Variants in PLXNA3 observed in about 807,000 individuals in gnomAD.
PLXNA3 encodes the protein plexin-A3.
Under a neutral mutation model 118.8 loss-of-function variants are expected in PLXNA3, and 52 were observed. The observed-to-expected ratio is 0.44, with a 90% CI of 0.35 to 0.55. PLXNA3 has a LOEUF of 0.55. Ranked by LOEUF, PLXNA3 falls within the 20% of genes least tolerant of loss-of-function variation. PLXNA3 has a pLI of 0.01. For missense variants in PLXNA3, 1,660 were observed against 1,730.8 expected (o/e 0.96, Z 0.73); for synonymous variants, 925 against 762.4 (o/e 1.21, Z -3.51).
intron 3 of PLXNA3, among the ~76,000 whole-genome samples, chrX:154,461,873 C>G (rs781923925): frequency 1.8e-5 from 2 of 112,236 alleles, no homozygotes; most frequent in African/African-American, 3.2e-5. Context: ...CCTCCTTGCT[C>G]CGTCTCCCGG....
In PLXNA3 at chrX:154,469,466, C is replaced by T. The variant is rs1426776387; in HGVS notation, c.4682C>T (p.Ser1561Leu). Residue 1561 changes from serine (S) to leucine (L), a missense_variant, in exon 27 of 33, where the codon TCA becomes TTA. Coordinates refer to ENST00000369682, the MANE Select transcript of PLXNA3 (RefSeq NM_017514.5). The stretch of plus-strand genomic sequence containing the variant: ...GAGTGTGACTGGAAGAGGCTCAACT[C>T]ACTGGCCCACTACCAGGTGAGGGGT... ...KIECDWKRLN[S>L]LAHYQVTDGS... The T allele has an allele frequency of 1.7e-6, 2 of 1,200,180 alleles. No homozygotes were observed. The highest frequency in any genetic ancestry group is 2.3e-6 in the Non-Finnish European group (2 of 885,450).
At chrX:154,466,836 G>A (rs1557207343) in intron 17 of PLXNA3, 43 bp downstream of exon 17, 5 of 1,086,002 alleles carry the variant, frequency 4.6e-6, no homozygotes, top group Non-Finnish European at 6.1e-6. Context: ...TGTCCAGAGG[G>A]CTCAGGGACT....
Position 154,470,499 on chromosome X carries a change from C to T in PLXNA3, c.5044C>T (p.Arg1682Trp), listed in dbSNP as rs782677818. ...TGAGACAGTGTTCAGCACAGCCCAC[C>T]GGGGCTCGGCCCTGCCCCTGGCCAT... The part of the protein sequence containing the change: ...LFETVFSTAH[R>W]GSALPLAIKY... Residue 1682 changes from arginine to tryptophan, a missense_variant, in exon 30 of 33, where the codon CGG becomes TGG. This residue lies in a region of PLXNA3 where 869 missense variants were observed against 1,078.7 expected (regional missense o/e 0.81). Transcript: ENST00000369682. 20 of 1,209,808 alleles carry T rather than the reference C, an allele frequency of 1.7e-5. No individual in the cohort carries two copies. The highest frequency in any genetic ancestry group is 6.9e-5 in the African/African-American group (4 of 57,656).
rs1557208270 is a variant in PLXNA3 at position 154,468,506 on chromosome X, C to T, written c.4167C>T (p.Asp1389=). The T allele has an allele frequency of 8.3e-7, 1 of 1,211,183 alleles. No homozygotes were observed. Among genetic ancestry groups the T allele is most frequent in the Admixed American group, 2.2e-5 (1 of 46,109 alleles). Residue 1389 remains aspartate (D), a synonymous_variant, in exon 23 of 33, where the codon GAC becomes GAT. Coordinates refer to ENST00000369682, the MANE Select transcript of PLXNA3 (RefSeq NM_017514.5). ...ATGLLKQLLA[D]LIEKNLESKN... ...GGCTGCTCAAGCAACTGCTGGCCGACCTCATCGAGAAGAACCTCGAGAGCA... is the reference window on the plus strand; with the variant it reads ...GGCTGCTCAAGCAACTGCTGGCCGATCTCATCGAGAAGAACCTCGAGAGCA...
chrX:154,464,065 T>C lies in PLXNA3; in HGVS notation c.1662T>C (p.Pro554=), dbSNP rs782188114. The C allele has an allele frequency of 1.2e-5, 14 of 1,210,028 alleles. No individual in the cohort carries two copies. Among genetic ancestry groups the C allele is most frequent in the Non-Finnish European group, 1.6e-5 (14 of 895,041 alleles). ...CCAACAATGTGTCAGTGACGTCACC[T>C]GGGGTGCAGGTGAGCAGCTTGGGGG... The part of the protein sequence containing the change: ...VRPNNVSVTS[P]GVQLTVTLHN... Residue 554 remains proline, a synonymous_variant, in exon 7 of 33, where the codon CCT becomes CCC. Transcript: ENST00000369682.
At position 154,468,426 on chromosome X, in the gene PLXNA3, A is replaced by T; in HGVS notation, c.4087A>T (p.Thr1363Ser). The T allele has an allele frequency of 1.7e-6, 2 of 1,211,013 alleles. No individual in the cohort carries two copies. The highest frequency in any genetic ancestry group is 2.2e-6 in the Non-Finnish European group (2 of 895,471). ...QSSFSMRDRG[T>S]VASLTMVALQ... ...CAGCTTCTCCATGCGCGACCGCGGC[A>T]CCGTGGCCTCGCTCACCATGGTGGC... is the stretch of plus-strand genomic sequence containing the variant. Residue 1363 changes from threonine to serine, a missense_variant, in exon 23 of 33, where the codon ACC (threonine) becomes TCC (serine). Thr to Ser is a moderately conservative substitution (Grantham distance 58). This residue lies in a region of PLXNA3 where 869 missense variants were observed against 1,078.7 expected (regional missense o/e 0.81). Coordinates refer to ENST00000369682, the MANE Select transcript of PLXNA3 (RefSeq NM_017514.5).
Position 154,477,704 on chromosome X carries a change from C to A in PLXNA3, c.*5019C>A, listed in dbSNP as rs993224058. 44 of 308,602 alleles carry A rather than the reference C, an allele frequency of 1.4e-4. No homozygotes were observed. The highest frequency in any genetic ancestry group is 2.3e-4 in the Admixed American group (4 of 17,547). The allele number at this position is 308,602 out of a possible 1,213,427, so 25.4% of individuals were successfully genotyped here. ...CTTGAATATCTGAATTCTAGAACCC[C>A]CCCCCCAGCAACCCAAGCACAACAA... On this transcript the variant is annotated 3_prime_UTR_variant, in exon 33 of 33. Transcript: ENST00000369682.
At position 154,465,940 on chromosome X, in the gene PLXNA3, C is replaced by T. The variant is rs1557206850; in HGVS notation, c.2538C>T (p.His846=). The T allele has an allele frequency of 8.3e-7, 1 of 1,210,349 alleles. No homozygotes were observed. Among genetic ancestry groups the T allele is most frequent in the East Asian group, 3.0e-5 (1 of 33,803 alleles). Residue 846 remains histidine, a synonymous_variant, in exon 14 of 33, where the codon CAC becomes CAT. Transcript: ENST00000369682. ...CTGCCCATCCTGCTCCACAGATCCA[C>T]CCTCTCGTGGGGCCCAAGGAAGGAG... ...RCSHPRITQI[H]PLVGPKEGGT...
chrX:154,464,214 G>A lies in PLXNA3; in HGVS notation c.1729G>A (p.Glu577Lys), dbSNP rs781842825. Residue 577 changes from glutamate to lysine, a missense_variant, in exon 8 of 33, where the codon GAG (glutamate) becomes AAG (lysine). Around this residue, in one of 2 missense-constraint regions of PLXNA3, gnomAD observed 791 missense variants for 652.1 expected, o/e 1.21. Coordinates refer to ENST00000369682, the MANE Select transcript of PLXNA3 (RefSeq NM_017514.5). Reference protein sequence around the residue: ...DLSAGVSCAFEAAAENEAVLL... With the variant: ...DLSAGVSCAFKAAAENEAVLL... ...CAGTGCGGGCGTGAGCTGCGCCTTCGAGGCGGCGGCGGAGAACGAGGCGGT... is the reference window on the plus strand; with the variant it reads ...CAGTGCGGGCGTGAGCTGCGCCTTCAAGGCGGCGGCGGAGAACGAGGCGGT... 17 of 1,208,540 alleles carry A rather than the reference G, an allele frequency of 1.4e-5. No homozygotes were observed. In the South Asian group the frequency reaches 2.1e-4, roughly 15 times the overall value.
At position 154,464,855 on chromosome X, in the gene PLXNA3, T is replaced by C. The variant is rs1302969041; in HGVS notation, c.2030T>C (p.Val677Ala). 1.7e-6 allele frequency: 2 copies of C among 1,192,193 alleles called. No individual in the cohort carries two copies. Among genetic ancestry groups the C allele is most frequent in the Non-Finnish European group, 2.3e-6 (2 of 882,200 alleles). ...PHECSFQEGRVHSPEGCPEIL... is the reference protein window; with the variant it reads ...PHECSFQEGRAHSPEGCPEIL... Reference sequence around the variant, plus strand: ...GAGTGCTCCTTCCAGGAGGGCAGGGTCCACAGCCCTGAGGTGAGGCGGGCG... The same window carrying C: ...GAGTGCTCCTTCCAGGAGGGCAGGGCCCACAGCCCTGAGGTGAGGCGGGCG... The change falls in exon 10 of 33, where the codon GTC becomes GCC. Residue 677 changes from valine to alanine, a missense_variant. Physicochemically the swap from Val to Ala is moderately conservative, Grantham distance 64. Coordinates refer to ENST00000369682, the MANE Select transcript of PLXNA3 (RefSeq NM_017514.5).
rs371065869 is a variant in PLXNA3, at chrX:154,461,709, G to A, written c.1134+71G>A. On this transcript the variant is annotated intron_variant, in intron 3 of 32. Transcript: ENST00000369682. The stretch of plus-strand genomic sequence containing the variant: ...TCTACCATGCCCAGCGTGGGCTCAC[G>A]GCCAGTCATCCTGTCCCAGGCTTTG... The A allele has an allele frequency of 9.5e-4, 967 of 1,013,219 alleles. 2 individuals are homozygous for A. Among genetic ancestry groups the A allele is most frequent in the Non-Finnish European group, 1.1e-3 (852 of 750,873 alleles). The allele number at this position is 1,013,219 out of a possible 1,213,427, so 83.5% of individuals were successfully genotyped here.
rs144840211 is a variant in PLXNA3 at position 154,467,450 on chromosome X, G to A, written c.3420G>A (p.Pro1140=). The A allele has an allele frequency of 1.0e-4, 120 of 1,193,598 alleles. 1 individual carries two copies. The African/African-American group carries it at 1.3e-3, about 13-fold the overall frequency. The part of the protein sequence containing the change: ...LGPSGVLDVK[P]GSHVVLKGKN... ...CCTCTGGCGTGCTGGACGTCAAACC[G>A]GGCTCCCACGTGGTGCTGAAGGTGC... The change falls in exon 19 of 33, where the codon CCG becomes CCA. Residue 1140 remains proline (P), a synonymous_variant. Coordinates refer to ENST00000369682, the MANE Select transcript of PLXNA3 (RefSeq NM_017514.5).
At position 154,467,662 on chromosome X, in the gene PLXNA3, AGCCAGACTGGCCG is replaced by A; in HGVS notation, c.3562_3574del (p.Gln1188SerfsTer25). ...CACACAACTCCTGTGCGACTCACCC[AGCCAGACTGGCCG>A]GCAGCCTGTCATGGTAGGTGGGGAT... On this transcript the variant is annotated frameshift_variant, in exon 20 of 33. Coordinates refer to ENST00000369682, the MANE Select transcript of PLXNA3 (RefSeq NM_017514.5). LOFTEE classifies it high-confidence loss of function. The A allele has an allele frequency of 8.3e-7, 1 of 1,210,111 alleles. No individual in the cohort carries two copies. The highest frequency in any genetic ancestry group is 1.1e-6 in the Non-Finnish European group (1 of 895,229).
chrX:154,469,124 C>T lies in PLXNA3; in HGVS notation c.4503C>T (p.Asp1501=). 1 of 1,210,942 alleles carries T rather than the reference C, an allele frequency of 8.3e-7. No individual in the cohort carries two copies. Among genetic ancestry groups the T allele is most frequent in the Non-Finnish European group, 1.1e-6 (1 of 895,137 alleles). Residue 1501 remains aspartate (D), a synonymous_variant, in exon 26 of 33, where the codon GAC becomes GAT. Transcript: ENST00000369682. ...AQVPVKVLNC[D]SITQAKDKLL... ...TCCCAGTGAAGGTTCTCAACTGTGA[C>T]AGCATCACCCAGGCCAAAGATAAGC...
At position 154,467,634 on chromosome X, in the gene PLXNA3, G is replaced by C; in HGVS notation, c.3531G>C (p.Ser1177=). ...GCCAGCCGTGTTCGCTCACTGTCTC[G>C]GACACACAACTCCTGTGCGACTCAC... The part of the protein sequence containing the change: ...IGGQPCSLTV[S]DTQLLCDSPS... Residue 1177 remains serine (S), a synonymous_variant, in exon 20 of 33, where the codon TCG becomes TCC. Coordinates refer to ENST00000369682, the MANE Select transcript of PLXNA3 (RefSeq NM_017514.5). The C allele has an allele frequency of 8.3e-7, 1 of 1,209,988 alleles. No homozygotes were observed. The highest frequency in any genetic ancestry group is 2.2e-5 in the Admixed American group (1 of 45,967).
In PLXNA3 at chrX:154,464,389, G is replaced by C; in HGVS notation, c.1829-13G>C. On this transcript the variant is annotated splice_polypyrimidine_tract_variant and intron_variant, in intron 8 of 32. Transcript: ENST00000369682. ...CCCCCAGCGAGTTCACGGCCACCCC[G>C]GGACTGCTGCAGGGGCCACCCGCAC... The C allele has an allele frequency of 3.3e-6, 4 of 1,206,913 alleles. No individual in the cohort carries two copies. The highest frequency in any genetic ancestry group is 2.3e-4 in the Middle Eastern group (1 of 4,338).
chrX:154,464,059 G>A lies in PLXNA3; in HGVS notation c.1656G>A (p.Thr552=), dbSNP rs149300616. ...VRVRPNNVSV[T]SPGVQLTVTL... The stretch of plus-strand genomic sequence containing the variant: ...TCCGGCCCAACAATGTGTCAGTGAC[G>A]TCACCTGGGGTGCAGGTGAGCAGCT... Residue 552 remains threonine, a synonymous_variant, in exon 7 of 33, where the codon ACG becomes ACA. Transcript: ENST00000369682. The A allele has an allele frequency of 5.6e-5, 68 of 1,209,732 alleles. No individual in the cohort carries two copies. The highest frequency in any genetic ancestry group is 3.0e-4 in the African/African-American group (17 of 57,592).
intron 1 of PLXNA3, among the ~76,000 whole-genome samples, chrX:154,459,866 C>CAGTT (rs1557202969): frequency 1.8e-5 from 2 of 113,190 alleles, no homozygotes; most frequent in African/African-American, 6.4e-5. Flanking sequence ...TTGGTTGCCC[C>CAGTT]GGGCTCTGAG....
rs782309256 is a variant in PLXNA3 at position 154,466,705 on chromosome X, C to T, written c.3019C>T (p.Arg1007Trp). The T allele has an allele frequency of 1.4e-5, 17 of 1,197,137 alleles. No homozygotes were observed. The highest frequency in any genetic ancestry group is 6.8e-5 in the Admixed American group (3 of 44,439). Reference sequence around the variant, plus strand: ...GGCCCCCATCACACTTGCCATTGACCGGGCTAACATCTCCAGCCCCGGGCT... The same window carrying T: ...GGCCCCCATCACACTTGCCATTGACTGGGCTAACATCTCCAGCCCCGGGCT... ...SQAPITLAID[R>W]ANISSPGLIY... is the part of the protein sequence containing the mutation. Residue 1007 changes from arginine (R) to tryptophan (W), a missense_variant, in exon 17 of 33, where the codon CGG (arginine) becomes TGG (tryptophan). Arg to Trp is a moderately radical substitution (Grantham distance 101). This residue lies in a region of PLXNA3 where 869 missense variants were observed against 1,078.7 expected (regional missense o/e 0.81). Coordinates refer to ENST00000369682, the MANE Select transcript of PLXNA3 (RefSeq NM_017514.5).
Sources: allele counts gnomAD v4.1 joint callset (sites outside exome capture counted in the v4.1 genomes callset), GRCh38; gene constraint gnomAD v4.1.1; regional missense constraint gnomAD v4.1.1; transcripts MANE v1.5; gene names NCBI Gene and HGNC (gene_info 2026-07-23, HGNC 2026-07-21).